Variants in GPC5 observed in about 807,000 individuals in gnomAD.
The protein encoded by GPC5 is glypican 5.
A neutral mutation model predicts 53.9 loss-of-function variants in GPC5; 47 were observed. That is an observed-to-expected ratio of 0.87 (90% confidence interval 0.69 to 1.11). GPC5 has a LOEUF of 1.11. GPC5 is among the 50% of genes most tolerant of loss of function. The pLI is 0.00. For missense variants in GPC5, 748 were observed against 713.1 expected, an observed-to-expected ratio of 1.05 and a Z score of -0.56; for synonymous variants, 286 against 263.3, an observed-to-expected ratio of 1.09 and a Z score of -0.84.
chr13:91,975,302 G>A (rs1177177551), intron 6 of GPC5, among the ~76,000 whole-genome samples: 1 of 152,128 alleles, frequency 6.6e-6, no homozygotes, highest in East Asian at 1.9e-4. Flanking sequence ...CTTCTGCACA[G>A]CAAAAGAAAC....
chr13:91,432,203 C>CTGGTGTGTGTGTGTG (rs1555306318), intron 1 of GPC5, among the ~76,000 whole-genome samples: 78 of 136,450 alleles, frequency 5.7e-4, no homozygotes, highest in African/African-American at 2.0e-3. Flanking sequence ...GCTGCTGCTG[C>CTGGTGTGTGTGTGTG]TGTGTGTGTG....
intron 7 of GPC5, among the ~76,000 whole-genome samples, chr13:92,463,607 A>AT (rs5805746): frequency 0.39 from 59,118 of 151,630 alleles, 12,816 homozygotes; most frequent in African/African-American, 0.56. Context: ...TTGGAGGAAG[A>AT]TTTTTTTTTA....
intron 7 of GPC5, among the ~76,000 whole-genome samples, chr13:92,537,403 A>G (rs1368332919): frequency 2.6e-5 from 4 of 152,178 alleles, no homozygotes; most frequent in African/African-American, 9.7e-5. Flanking sequence ...AAAAGTAGAC[A>G]ACTGACTTCT....
At chr13:91,520,607 T>G (rs1885751696) in intron 2 of GPC5, among the ~76,000 whole-genome samples, 1 of 152,110 alleles carries the variant, frequency 6.6e-6, no homozygotes, top group South Asian at 2.1e-4. Context: ...ACTTGTCGCT[T>G]ACTAGAATCC....
At chr13:91,644,613 G>T (rs2034514534) in intron 2 of GPC5, among the ~76,000 whole-genome samples, 1 of 151,846 alleles carries the variant, frequency 6.6e-6, no homozygotes, top group Non-Finnish European at 1.5e-5. Flanking sequence ...GTTACCCTTT[G>T]TAACAGGAAG....
At chr13:91,675,611 G>A (rs952497703) in intron 2 of GPC5, among the ~76,000 whole-genome samples, 2 of 152,142 alleles carry the variant, frequency 1.3e-5, no homozygotes, top group African/African-American at 4.8e-5. Context: ...TTCACACAGT[G>A]GTATGAAATA....
chr13:92,410,556 T>A (rs1056250697), intron 7 of GPC5, among the ~76,000 whole-genome samples: 1 of 152,212 alleles, frequency 6.6e-6, no homozygotes. Context: ...TAATGCCTTT[T>A]TCCAGTTCAA....
chr13:91,558,497 A>G (rs2031081446), intron 2 of GPC5, among the ~76,000 whole-genome samples: 1 of 152,070 alleles, frequency 6.6e-6, no homozygotes, highest in African/African-American at 2.4e-5. Flanking sequence ...AAGCACTGTT[A>G]GTATAAGGTG....
intron 7 of GPC5, among the ~76,000 whole-genome samples, chr13:92,699,380 T>G (rs1230284683): frequency 6.6e-6 from 1 of 151,936 alleles, no homozygotes; most frequent in Non-Finnish European, 1.5e-5. Flanking sequence ...GAAATCCTGT[T>G]CCTGGATTCA....
intron 2 of GPC5, among the ~76,000 whole-genome samples, chr13:91,539,203 T>A (rs918778576): frequency 1.3e-5 from 2 of 152,224 alleles, no homozygotes; most frequent in East Asian, 1.9e-4. Flanking sequence ...GAAAAGCTTT[T>A]TTTTAAAAGC....
At chr13:92,674,415 G>A (rs1269921231) in intron 7 of GPC5, among the ~76,000 whole-genome samples, 2 of 152,086 alleles carry the variant, frequency 1.3e-5, no homozygotes, top group African/African-American at 4.8e-5. Context: ...TTACTTAAAA[G>A]CAGACAAAAT....
At chr13:91,506,944 G>T (rs774310086) in intron 2 of GPC5, among the ~76,000 whole-genome samples, 8 of 151,946 alleles carry the variant, frequency 5.3e-5, no homozygotes, top group Non-Finnish European at 8.8e-5. Flanking sequence ...AAATATAAAT[G>T]AATAGCATTG....
intron 6 of GPC5, among the ~76,000 whole-genome samples, chr13:92,006,466 T>G (rs2040607707): frequency 6.6e-6 from 1 of 152,176 alleles, no homozygotes; most frequent in South Asian, 2.1e-4. Context: ...AAATAAATAT[T>G]GATTTCCTTT....
intron 7 of GPC5, among the ~76,000 whole-genome samples, chr13:92,357,038 G>T (rs916996402): frequency 2.0e-5 from 3 of 151,976 alleles, no homozygotes; most frequent in Non-Finnish European, 4.4e-5. Context: ...TCCTGCAAAG[G>T]AGTTGATCTT....
At position 92,732,636 on chromosome 13, in the gene GPC5, G is replaced by C. The variant is rs1478788114; in HGVS notation, c.1562-133646G>C. Among the ~76,000 whole-genome samples the C allele has an allele frequency of 4.0e-5, 6 of 151,494 alleles. No individual in the cohort carries two copies. In the East Asian group the frequency reaches 1.2e-3, roughly 29 times the overall value. ...ACAAACAAGAAGATTGTGTAATTTT[G>C]AGATATAAAGTAATGTCAGATCCAG... is the stretch of plus-strand genomic sequence containing the variant. On this transcript the variant is annotated intron_variant, in intron 7 of 7. Coordinates refer to ENST00000377067, the MANE Select transcript of GPC5 (RefSeq NM_004466.6).
intron 2 of GPC5, among the ~76,000 whole-genome samples, chr13:91,542,807 C>T (rs1174209936): frequency 6.6e-6 from 1 of 151,574 alleles, no homozygotes; most frequent in Non-Finnish European, 1.5e-5. Flanking sequence ...CCTCAGCCTC[C>T]TGAGTAACTG....
intron 7 of GPC5, among the ~76,000 whole-genome samples, chr13:92,799,658 A>T (rs887627723): frequency 6.6e-6 from 1 of 151,786 alleles, no homozygotes; most frequent in East Asian, 1.9e-4. Flanking sequence ...TCCATCTTAC[A>T]ATTGTGATTC....
In GPC5 at chr13:91,623,169, T is replaced by C. The variant is rs1479268199; in HGVS notation, c.326-70018T>C. On this transcript the variant is annotated intron_variant, in intron 2 of 7. Transcript: ENST00000377067. Reference sequence around the variant, plus strand: ...GGGAAAGGAATAGCTATTATTTTAATGCCAAGTAATGGTTAATGAAAATTA... The same window carrying C: ...GGGAAAGGAATAGCTATTATTTTAACGCCAAGTAATGGTTAATGAAAATTA... 3.3e-5 allele frequency among the ~76,000 whole-genome samples: 5 copies of C among 152,120 alleles called. No individual in the cohort carries two copies. The East Asian group carries it at 5.8e-4, about 18-fold the overall frequency.
intron 7 of GPC5, among the ~76,000 whole-genome samples, chr13:92,478,780 C>T (rs1192760106): frequency 1.3e-5 from 2 of 152,174 alleles, no homozygotes; most frequent in Non-Finnish European, 2.9e-5. Flanking sequence ...AGGAATCTAT[C>T]CAGCGGCACT....
Sources: allele counts gnomAD v4.1 joint callset (sites outside exome capture counted in the v4.1 genomes callset), GRCh38; gene constraint gnomAD v4.1.1; transcripts MANE v1.5; gene names NCBI Gene and HGNC (gene_info 2026-07-23, HGNC 2026-07-21).